SEMA3A: variants seen among roughly 807,000 people sequenced by gnomAD.
The protein encoded by SEMA3A is semaphorin 3A.
A neutral mutation model predicts 97.9 loss-of-function variants in SEMA3A; 29 were observed. That is an observed-to-expected ratio of 0.30 (90% CI 0.22 to 0.40). The LOEUF (loss-of-function observed/expected upper bound fraction) is 0.40, where lower values mean the gene tolerates loss of function less well. SEMA3A is among the 10% of genes least tolerant of loss of function. The pLI, the probability that SEMA3A is intolerant of heterozygous loss-of-function variation, is 1.00. For missense variants in SEMA3A, 763 were observed against 951.3 expected (o/e 0.80, Z 2.60); for synonymous variants, 321 against 323.7 (o/e 0.99, Z 0.09).
chr7:84,431,167 A>G (rs1375108080), intron 1 of SEMA3A, among the ~76,000 whole-genome samples: 1 of 152,062 alleles, frequency 6.6e-6, no homozygotes, highest in Non-Finnish European at 1.5e-5. Context: ...TCTCCTAATA[A>G]TCTGGCTGCT....
chr7:83,996,870 C>T (rs1161456564), intron 12 of SEMA3A, among the ~76,000 whole-genome samples: 1 of 152,018 alleles, frequency 6.6e-6, no homozygotes, highest in East Asian at 1.9e-4. Context: ...TTTTATTTCA[C>T]CTCTTATTAC....
At chr7:84,485,851 T>A (rs1806561835) in intron 1 of SEMA3A, among the ~76,000 whole-genome samples, 1 of 152,186 alleles carries the variant, frequency 6.6e-6, no homozygotes. Context: ...TTTGTTTCAT[T>A]TCTGAAATTG....
At chr7:84,270,094 T>C (rs1249745495) in intron 3 of SEMA3A, among the ~76,000 whole-genome samples, 1 of 152,070 alleles carries the variant, frequency 6.6e-6, no homozygotes, top group Non-Finnish European at 1.5e-5. Context: ...GTAAGATCAG[T>C]TTTCAAAGGA....
At chr7:84,311,444 A>G (rs1354082165) in intron 2 of SEMA3A, among the ~76,000 whole-genome samples, 4 of 151,952 alleles carry the variant, frequency 2.6e-5, no homozygotes, top group African/African-American at 9.7e-5. Context: ...GTAGTATGTG[A>G]TGAGTATAAT....
At chr7:84,427,649 C>CAAAAAAA (rs55872394) in intron 1 of SEMA3A, among the ~76,000 whole-genome samples, 6 of 72,986 alleles carry the variant, frequency 8.2e-5, no homozygotes, top group African/African-American at 1.2e-4. Context: ...GATTCTGTCT[C>CAAAAAAA]AAAAAAAAAA....
chr7:84,184,695 C>G (rs1351004054), intron 1 of SEMA3A, among the ~76,000 whole-genome samples: 1 of 151,806 alleles, frequency 6.6e-6, no homozygotes, highest in Non-Finnish European at 1.5e-5. Flanking sequence ...GTGTGCTGAT[C>G]AGACCCTGCA....
chr7:84,006,557 A>C (rs1312525830), intron 10 of SEMA3A, among the ~76,000 whole-genome samples: 1 of 152,108 alleles, frequency 6.6e-6, no homozygotes. Flanking sequence ...AAGACAATAC[A>C]ACAAAAATGA....
intron 3 of SEMA3A, among the ~76,000 whole-genome samples, chr7:84,204,675 A>ATGTAATTAAGTAT (rs956724135): frequency 1.3e-5 from 2 of 152,240 alleles, no homozygotes; most frequent in African/African-American, 4.8e-5. Context: ...TTTAAGTATT[A>ATGTAATTAAGTAT]CATGATACAT....
rs539338384 is a variant in SEMA3A at position 84,237,198 on chromosome 7, C to G, written c.-82-42530G>C. Among the ~76,000 whole-genome samples the G allele has an allele frequency of 2.6e-5, 4 of 152,090 alleles. No individual in the cohort carries two copies. The South Asian group carries it at 8.3e-4, about 32-fold the overall frequency. On this transcript the variant is annotated intron_variant, in intron 3 of 3. Coordinates refer to the SEMA3A transcript ENST00000424555. ...AAAACAAAATGTGTTTAATTTATCC[C>G]AGAGTTAAGGAAAAGACAAACATAT...
chr7:84,149,720 T>G (rs1407851993), intron 1 of SEMA3A, among the ~76,000 whole-genome samples: 2 of 152,198 alleles, frequency 1.3e-5, no homozygotes, highest in Admixed American at 6.5e-5. Context: ...AAAACACTAC[T>G]AACAATGTTA....
chr7:84,408,341 A>T (rs1278068760), intron 1 of SEMA3A, among the ~76,000 whole-genome samples: 1 of 152,148 alleles, frequency 6.6e-6, no homozygotes, highest in Non-Finnish European at 1.5e-5. Flanking sequence ...AACCACAATG[A>T]GATATCATCT....
upstream of SEMA3A, among the ~76,000 whole-genome samples, chr7:84,197,912 T>G (rs2116289150): frequency 6.6e-6 from 1 of 151,782 alleles, no homozygotes; most frequent in South Asian, 2.1e-4. Context: ...GCTAATTTTT[T>G]GTATTTTAGT....
At chr7:84,197,178 C>T (rs1415202668), upstream of SEMA3A, among the ~76,000 whole-genome samples, 1 of 152,064 alleles carries the variant, frequency 6.6e-6, no homozygotes, top group East Asian at 1.9e-4. Context: ...AGCACAGACA[C>T]CTCCATATAC....
chr7:83,964,183 A>C (rs1788582824), intron 15 of SEMA3A, among the ~76,000 whole-genome samples: 1 of 152,202 alleles, frequency 6.6e-6, no homozygotes, highest in Admixed American at 6.5e-5. Flanking sequence ...GATCAAAAGT[A>C]CAACACAGGG....
At chr7:84,033,830 A>G (rs1791846464) in intron 6 of SEMA3A, among the ~76,000 whole-genome samples, 1 of 152,074 alleles carries the variant, frequency 6.6e-6, no homozygotes, top group Non-Finnish European at 1.5e-5. Flanking sequence ...GATCCCATGG[A>G]TGCACATCCT....
Position 84,348,324 on chromosome 7 carries a change from T to C in SEMA3A, c.-169+23500A>G, listed in dbSNP as rs753549833. On this transcript the variant is annotated intron_variant, in intron 2 of 3. Transcript: ENST00000424555. ...AATATTTGTTAATATGTAGCCAAAG[T>C]TAAGATTAGTTTTCCCTCAGTAGAT... Among the ~76,000 whole-genome samples the C allele has an allele frequency of 6.1e-4, 93 of 152,134 alleles. 1 individual carries two copies. Among genetic ancestry groups the C allele is most frequent in the Non-Finnish European group, 6.2e-4 (42 of 68,016 alleles).
At chr7:84,449,993 T>G (rs751248718) in intron 1 of SEMA3A, among the ~76,000 whole-genome samples, 1 of 152,206 alleles carries the variant, frequency 6.6e-6, no homozygotes, top group Non-Finnish European at 1.5e-5. Flanking sequence ...CCACATACGT[T>G]TGGGTTGTTT....
At chr7:84,166,737 C>T (rs552363766) in intron 1 of SEMA3A, among the ~76,000 whole-genome samples, 9 of 149,032 alleles carry the variant, frequency 6.0e-5, no homozygotes, top group African/African-American at 1.2e-4. Context: ...TAGCTGGGCG[C>T]GGTGGCAGGC....
intron 1 of SEMA3A, among the ~76,000 whole-genome samples, chr7:84,473,173 T>TGTGTGTGTGTGTGTGA (rs891778095): frequency 5.9e-5 from 9 of 151,406 alleles, no homozygotes; most frequent in African/African-American, 2.2e-4. Flanking sequence ...TGTGTGTGTG[T>TGTGTGTGTGTGTGTGA]GAAACCTACA....
Sources: allele counts gnomAD v4.1 joint callset (sites outside exome capture counted in the v4.1 genomes callset), GRCh38; gene constraint gnomAD v4.1.1; transcripts MANE v1.5; gene names NCBI Gene and HGNC (gene_info 2026-07-23, HGNC 2026-07-21).